ARHGAP15: variants seen among roughly 807,000 people sequenced by gnomAD.
ARHGAP15 encodes Rho GTPase activating protein 15, also known as rho GTPase-activating protein 15.
Under a neutral mutation model 63.7 loss-of-function variants are expected in ARHGAP15, and 51 were observed. The ratio of observed to expected loss-of-function variants is 0.80; its 90% CI spans 0.64 to 1.01. The LOEUF (loss-of-function observed/expected upper bound fraction) is 1.01. Among genes scored for constraint, ARHGAP15 ranks in the 50% least tolerant of loss-of-function variants. ARHGAP15 has a pLI of 0.00. For synonymous variants in ARHGAP15, 191 were observed against 193.8 expected, an observed-to-expected ratio of 0.99 and a Z score of 0.12; for missense variants, 560 against 564.6, an observed-to-expected ratio of 0.99 and a Z score of 0.08.
At chr2:143,655,083 G>T (rs550295619) in intron 12 of ARHGAP15, among the ~76,000 whole-genome samples, 1 of 152,066 alleles carries the variant, frequency 6.6e-6, no homozygotes, top group Admixed American at 6.5e-5. Flanking sequence ...GTTAAAATAC[G>T]AATTCTGATA....
intron 6 of ARHGAP15, among the ~76,000 whole-genome samples, chr2:143,291,764 C>T (rs1031519067): frequency 6.6e-6 from 1 of 152,010 alleles, no homozygotes; most frequent in South Asian, 2.1e-4. Flanking sequence ...GAGGTTTGAA[C>T]CTTGCCCCTC....
At chr2:143,688,501 A>G in intron 12 of ARHGAP15, among the ~76,000 whole-genome samples, 1 of 152,172 alleles carries the variant, frequency 6.6e-6, no homozygotes, top group East Asian at 1.9e-4. Context: ...GCCAGAGAGA[A>G]GTAATCCAAG....
chr2:143,171,839 G>A (rs985122097), intron 2 of ARHGAP15: 1 of 152,070 alleles, frequency 6.6e-6, no homozygotes, highest in African/African-American at 2.4e-5. Flanking sequence ...TAAATCTGTA[G>A]TGGGTTTTTT....
At chr2:143,166,001 A>AGAAACAAAGAAAGAAGGAAG (rs70982847) in intron 2 of ARHGAP15, among the ~76,000 whole-genome samples, 1 of 101,110 alleles carries the variant, frequency 9.9e-6, no homozygotes, top group African/African-American at 4.5e-5. Context: ...AAAGAAAGAA[A>AGAAACAAAGAAAGAAGGAAG]GAAGGAAGGA....
intron 13 of ARHGAP15, among the ~76,000 whole-genome samples, chr2:143,713,835 G>A (rs1684690619): frequency 6.6e-6 from 1 of 152,206 alleles, no homozygotes. Flanking sequence ...GATACAAGAG[G>A]TGGGTTCCCA....
At chr2:143,425,413 T>C (rs534921008) in intron 6 of ARHGAP15, among the ~76,000 whole-genome samples, 1 of 152,082 alleles carries the variant, frequency 6.6e-6, no homozygotes, top group East Asian at 1.9e-4. Context: ...CTTTATAGTA[T>C]GTATGTACAT....
At chr2:143,211,289 A>T (rs1033731236) in intron 3 of ARHGAP15, among the ~76,000 whole-genome samples, 10 of 148,358 alleles carry the variant, frequency 6.7e-5, no homozygotes, top group African/African-American at 2.5e-4. Flanking sequence ...GCAATAGAAA[A>T]AAGAAAGACA....
At chr2:143,331,453 A>T (rs902807768) in intron 6 of ARHGAP15, among the ~76,000 whole-genome samples, 1 of 152,184 alleles carries the variant, frequency 6.6e-6, no homozygotes. Flanking sequence ...CAGAGCAGGA[A>T]CAGTGTCTGG....
At chr2:143,307,351 G>C (rs1292277145) in intron 6 of ARHGAP15, among the ~76,000 whole-genome samples, 1 of 152,042 alleles carries the variant, frequency 6.6e-6, no homozygotes, top group African/African-American at 2.4e-5. Flanking sequence ...GGATTATATT[G>C]GGCATTTATG....
At chr2:143,266,007 G>A (rs1008066509) in intron 6 of ARHGAP15, among the ~76,000 whole-genome samples, 4 of 151,460 alleles carry the variant, frequency 2.6e-5, no homozygotes, top group Non-Finnish European at 4.4e-5. Context: ...AAATTATTCA[G>A]TTACATCAAA....
chr2:143,188,702 C>A (rs571461349), intron 2 of ARHGAP15, among the ~76,000 whole-genome samples: 1 of 151,652 alleles, frequency 6.6e-6, no homozygotes, highest in Non-Finnish European at 1.5e-5. Flanking sequence ...CTCACTGCAA[C>A]CTCTGCCTCC....
intron 13 of ARHGAP15, among the ~76,000 whole-genome samples, chr2:143,763,625 AATAAATTGCATATATAT>A (rs1559165886): frequency 1.4e-5 from 2 of 147,848 alleles, no homozygotes. Context: ...ATATATAAAT[AATAAATTGCATATATAT>A]GCAAATTGCA....
intron 2 of ARHGAP15, among the ~76,000 whole-genome samples, chr2:143,162,732 A>C (rs1456844405): frequency 1.3e-5 from 2 of 152,060 alleles, no homozygotes; most frequent in Non-Finnish European, 2.9e-5. Context: ...CACTCTTAAA[A>C]TAACTTTGGA....
chr2:143,554,478 ATAAT>A (rs1250556259), intron 10 of ARHGAP15, among the ~76,000 whole-genome samples: 4 of 152,156 alleles, frequency 2.6e-5, no homozygotes, highest in Non-Finnish European at 5.9e-5. Context: ...GAATTTTAAA[ATAAT>A]TTCCTCAGTA....
chr2:143,720,183 T>A (rs937738337), intron 13 of ARHGAP15, among the ~76,000 whole-genome samples: 1 of 152,150 alleles, frequency 6.6e-6, no homozygotes, highest in African/African-American at 2.4e-5. Context: ...GTTTTGTTCG[T>A]CATGAATGCA....
intron 11 of ARHGAP15, among the ~76,000 whole-genome samples, chr2:143,578,946 AAT>A (rs1312002833): frequency 2.0e-5 from 3 of 152,174 alleles, no homozygotes; most frequent in African/African-American, 7.2e-5. Context: ...AACATTTCAT[AAT>A]ATACACTACA....
intron 6 of ARHGAP15, among the ~76,000 whole-genome samples, chr2:143,376,757 TCA>T (rs1310576295): frequency 6.6e-6 from 1 of 152,052 alleles, no homozygotes; most frequent in Non-Finnish European, 1.5e-5. Context: ...TTTCTGTTTC[TCA>T]ATTTTATATT....
intron 6 of ARHGAP15, among the ~76,000 whole-genome samples, chr2:143,387,593 C>A (rs1687341066): frequency 6.6e-6 from 1 of 151,992 alleles, no homozygotes; most frequent in Admixed American, 6.6e-5. Flanking sequence ...ATACACAGAG[C>A]AGGTAGAGAA....
At chr2:143,549,168 A>T (rs1243304598) in intron 10 of ARHGAP15, among the ~76,000 whole-genome samples, 1 of 152,168 alleles carries the variant, frequency 6.6e-6, no homozygotes, top group Non-Finnish European at 1.5e-5. Context: ...TCCCAAACTA[A>T]TGAAACTTCT....
Sources: allele counts gnomAD v4.1 joint callset (sites outside exome capture counted in the v4.1 genomes callset), GRCh38; gene constraint gnomAD v4.1.1; transcripts MANE v1.5; gene names NCBI Gene and HGNC (gene_info 2026-07-23, HGNC 2026-07-21).